The following PRDM6 variants were observed in gnomAD, a reference collection of about 807,000 sequenced individuals.
The protein encoded by PRDM6 is PR/SET domain 6, also known as putative histone-lysine N-methyltransferase PRDM6.
In PRDM6, 25 loss-of-function variants were observed where a neutral mutation model predicts 60.8. That is an observed-to-expected ratio of 0.41 (90% CI 0.30 to 0.57). The LOEUF (loss-of-function observed/expected upper bound fraction) is 0.57, where lower values mean the gene tolerates loss of function less well. Ranked by LOEUF, PRDM6 falls within the 20% of genes least tolerant of loss-of-function variation. PRDM6 has a pLI of 0.27. For missense variants in PRDM6, 839 were observed against 821.3 expected (o/e 1.02, Z -0.26); for synonymous variants, 407 against 357.4 (o/e 1.14, Z -1.57).
chr5:123,103,610 C>G (rs1764148130), intron 3 of PRDM6, among the ~76,000 whole-genome samples: 1 of 151,924 alleles, frequency 6.6e-6, no homozygotes, highest in South Asian at 2.1e-4. Context: ...TTTATGAAAA[C>G]ATTATCTCAA....
At chr5:123,111,912 G>T (rs1029668688) in intron 3 of PRDM6, among the ~76,000 whole-genome samples, 4 of 151,944 alleles carry the variant, frequency 2.6e-5, no homozygotes, top group Non-Finnish European at 4.4e-5. Flanking sequence ...GCTACATCTT[G>T]GCTAATCTCC....
intron 3 of PRDM6, among the ~76,000 whole-genome samples, chr5:123,132,371 C>T (rs1381302304): frequency 6.6e-6 from 1 of 151,928 alleles, no homozygotes; most frequent in East Asian, 1.9e-4. Flanking sequence ...AAACAAATTC[C>T]TCTGTTGAAG....
At chr5:123,180,466 C>T (rs1766127244) in intron 7 of PRDM6, 143 bp downstream of exon 7, 1 of 879,666 alleles carries the variant, frequency 1.1e-6, no homozygotes, top group Non-Finnish European at 1.7e-6. Flanking sequence ...ACGAATCTCT[C>T]CTTGTTTAGT....
At position 123,090,330 on chromosome 5, in the gene PRDM6, G is replaced by A. The variant is rs1465254056; in HGVS notation, c.316G>A (p.Ala106Thr). ...TGCTGCGGCCGCTGCCGCCGCGCTG[G>A]CTGGTCTCTCGGCCCTGCCGGTGTC... The part of the protein sequence containing the change: ...CAAAAAAAAL[A>T]GLSALPVSQL... Residue 106 changes from alanine (A) to threonine (T), a missense_variant, in exon 2 of 8, where the codon GCT becomes ACT. Transcript: ENST00000407847. 6.8e-7 allele frequency: 1 copy of A among 1,479,924 alleles called. No homozygotes were observed. The highest frequency in any genetic ancestry group is 2.9e-5 in the East Asian group (1 of 33,968). The allele number at this position is 1,479,924 out of a possible 1,614,324, so 91.7% of individuals were successfully genotyped here.
At chr5:123,164,748 C>G (rs1385055052) in intron 5 of PRDM6, among the ~76,000 whole-genome samples, 1 of 152,138 alleles carries the variant, frequency 6.6e-6, no homozygotes, top group African/African-American at 2.4e-5. Context: ...TGTGCTGCCT[C>G]AAGCCCAGCT....
chr5:123,094,350 G>C (rs1763911483), intron 2 of PRDM6, among the ~76,000 whole-genome samples: 1 of 152,024 alleles, frequency 6.6e-6, no homozygotes, highest in Non-Finnish European at 1.5e-5. Context: ...CGCCTCCTCT[G>C]TCAAAGACCA....
Position 123,193,837 on chromosome 5 carries a change from T to C in PRDM6, c.*6636T>C, listed in dbSNP as rs1032669826. 6.6e-6 allele frequency: 1 copy of C among 152,234 alleles called. No homozygotes were observed. Among genetic ancestry groups the C allele is most frequent in the Non-Finnish European group, 1.5e-5 (1 of 68,050 alleles). 9.4% of individuals were successfully genotyped at this position (152,234 alleles called of 1,614,324 possible). On this transcript the variant is annotated 3_prime_UTR_variant, in exon 8 of 8. Coordinates refer to ENST00000407847, the MANE Select transcript of PRDM6 (RefSeq NM_001136239.4). Reference sequence around the variant, plus strand: ...TAAGTTTAGGACTGTAAATGTTCCCTACTGGAATAGAAATATGTCTCTCTC... The same window carrying C: ...TAAGTTTAGGACTGTAAATGTTCCCCACTGGAATAGAAATATGTCTCTCTC...
At chr5:123,182,536 A>T (rs1766188770) in intron 7 of PRDM6, among the ~76,000 whole-genome samples, 1 of 152,190 alleles carries the variant, frequency 6.6e-6, no homozygotes, top group South Asian at 2.1e-4. Flanking sequence ...GGTGTTACTT[A>T]TGTGTAACCT....
Position 123,090,398 on chromosome 5 carries a change from C to A in PRDM6, c.384C>A (p.Ala128=), listed in dbSNP as rs1420130449. Residue 128 remains alanine, a synonymous_variant, in exon 2 of 8, where the codon GCC becomes GCA. Coordinates refer to ENST00000407847, the MANE Select transcript of PRDM6 (RefSeq NM_001136239.4). ...VFAPLAAAAV[A]AEPLPPKELC... ...CGCCTCTAGCCGCCGCTGCCGTCGC[C>A]GCCGAGCCGCTGCCCCCCAAGGAAC... is the stretch of plus-strand genomic sequence containing the variant. 2 of 1,459,918 alleles carry A rather than the reference C, an allele frequency of 1.4e-6. No homozygotes were observed. The highest frequency in any genetic ancestry group is 2.5e-5 in the Admixed American group (1 of 40,226). The allele number at this position is 1,459,918 out of a possible 1,614,324, so 90.4% of individuals were successfully genotyped here.
At chr5:123,106,517 A>G (rs976302016) in intron 3 of PRDM6, among the ~76,000 whole-genome samples, 7 of 152,228 alleles carry the variant, frequency 4.6e-5, no homozygotes, top group Non-Finnish European at 8.8e-5. Context: ...CATCCAGTGC[A>G]TTACAGTTCA....
intron 3 of PRDM6, among the ~76,000 whole-genome samples, chr5:123,108,664 C>G (rs1294025134): frequency 1.3e-5 from 2 of 152,066 alleles, no homozygotes; most frequent in African/African-American, 4.8e-5. Flanking sequence ...AGTGGAAAAT[C>G]TCAAAATTAA....
chr5:123,097,034 A>G (rs867604628), intron 2 of PRDM6, among the ~76,000 whole-genome samples: 1 of 151,736 alleles, frequency 6.6e-6, no homozygotes, highest in African/African-American at 2.4e-5. Flanking sequence ...AGTCAAGCAG[A>G]AAAAAAAATC....
intron 2 of PRDM6, among the ~76,000 whole-genome samples, chr5:123,093,109 G>C (rs944804777): frequency 7.2e-5 from 11 of 152,168 alleles, no homozygotes; most frequent in Non-Finnish European, 1.5e-4. Context: ...ATCATGTATA[G>C]ATTTCCCTAG....
chr5:123,141,905 AGATTCAGAACCAGGCT>A (rs1482097945), intron 3 of PRDM6, among the ~76,000 whole-genome samples: 1 of 152,122 alleles, frequency 6.6e-6, no homozygotes, highest in African/African-American at 2.4e-5. Context: ...GCTGAATCTC[AGATTCAGAACCAGGCT>A]GATTCACTCC....
intron 3 of PRDM6, among the ~76,000 whole-genome samples, chr5:123,142,235 A>G (rs1030628671): frequency 6.6e-6 from 1 of 152,210 alleles, no homozygotes; most frequent in African/African-American, 2.4e-5. Flanking sequence ...AGACATATTT[A>G]CATAGTCATC....
chr5:123,171,233 G>T, intron 6 of PRDM6, 125 bp downstream of exon 6: 1 of 780,686 alleles, frequency 1.3e-6, no homozygotes. Flanking sequence ...ATTCTGGAAG[G>T]TCAGAGAGAA....
intron 3 of PRDM6, among the ~76,000 whole-genome samples, chr5:123,124,144 T>C (rs1764643207): frequency 6.6e-6 from 1 of 152,182 alleles, no homozygotes. Context: ...TGGGCATCCT[T>C]ATTTTGTGCT....
At chr5:123,184,970 A>G (rs1326251579) in intron 7 of PRDM6, among the ~76,000 whole-genome samples, 1 of 152,206 alleles carries the variant, frequency 6.6e-6, no homozygotes, top group Non-Finnish European at 1.5e-5. Flanking sequence ...GGCTCTAGAA[A>G]TGATTTTTCT....
chr5:123,110,550 CCTA>C (rs1336245441), intron 3 of PRDM6, among the ~76,000 whole-genome samples: 1 of 149,210 alleles, frequency 6.7e-6, no homozygotes, highest in Non-Finnish European at 1.5e-5. Flanking sequence ...CTGCACCCGG[CCTA>C]CTTTTTTTTT....
Sources: gnomAD v4.1 joint callset for allele counts (sites outside exome capture counted in the v4.1 genomes callset) on GRCh38, gnomAD v4.1.1 for gene constraint, MANE v1.5 for transcripts, NCBI Gene and HGNC (gene_info 2026-07-23, HGNC 2026-07-21) for gene names.